The following CNTNAP4 variants were observed in gnomAD, a reference collection of about 807,000 sequenced individuals.
The protein encoded by CNTNAP4 is contactin-associated protein-like 4.
CNTNAP4 carries 98 observed loss-of-function variants against 148.4 expected under a neutral mutation model. The observed-to-expected ratio is 0.66, with a 90% CI of 0.56 to 0.78. The LOEUF (loss-of-function observed/expected upper bound fraction) is 0.78, where lower values mean the gene tolerates loss of function less well. Ranked by LOEUF, CNTNAP4 falls within the 30% of genes least tolerant of loss-of-function variation. The pLI is 0.00. For synonymous variants in CNTNAP4, 730 were observed against 565.1 expected, an observed-to-expected ratio of 1.29 and a Z score of -4.14; for missense variants, 1,935 against 1,565.6, an observed-to-expected ratio of 1.24 and a Z score of -3.98.
At chr16:76,452,340 G>C (rs1316621467) in intron 7 of CNTNAP4, among the ~76,000 whole-genome samples, 168 bp from the exon 8 acceptor site, 1 of 152,170 alleles carries the variant, frequency 6.6e-6, no homozygotes, top group Non-Finnish European at 1.5e-5. Context: ...GCAGAGCAAA[G>C]GGTTGAAGAA....
In CNTNAP4 at chr16:76,277,775, T is replaced by C. The variant is rs768932022; in HGVS notation, c.85+28T>C. 10 of 1,384,020 alleles carry C rather than the reference T, an allele frequency of 7.2e-6. No homozygotes were observed. The South Asian group carries it at 9.8e-5, about 14-fold the overall frequency. 85.7% of individuals were successfully genotyped at this position (1,384,020 alleles called of 1,614,324 possible). Reference sequence around the variant, plus strand: ...AAGTATACAGCAAATGATTTAAAACTTGCTGGGGGGCTCTCTGCAAAACTT... The same window carrying C: ...AAGTATACAGCAAATGATTTAAAACCTGCTGGGGGGCTCTCTGCAAAACTT... On this transcript the variant is annotated intron_variant, in intron 1 of 23. Coordinates refer to ENST00000611870, the MANE Select transcript of CNTNAP4 (RefSeq NM_033401.5).
intron 3 of CNTNAP4, among the ~76,000 whole-genome samples, chr16:76,399,135 T>C (rs1043748283): frequency 2.0e-5 from 3 of 152,188 alleles, no homozygotes; most frequent in Admixed American, 2.0e-4. Flanking sequence ...TCCCCAGCCA[T>C]GTGGAACTGT....
intron 8 of CNTNAP4, among the ~76,000 whole-genome samples, chr16:76,460,793 T>TATATATATATATATATATATATATAC (rs1292198875): frequency 1.8e-4 from 20 of 110,474 alleles, no homozygotes; most frequent in African/African-American, 7.1e-4. Flanking sequence ...TATATATATA[T>TATATATATATATATATATATATATAC]ATTTAGAATT....
chr16:76,358,872 A>T (rs1222452674), intron 3 of CNTNAP4, among the ~76,000 whole-genome samples: 2 of 151,976 alleles, frequency 1.3e-5, no homozygotes, highest in Non-Finnish European at 2.9e-5. Flanking sequence ...GTATGTGTAT[A>T]TGTATGTGTG....
intron 3 of CNTNAP4, among the ~76,000 whole-genome samples, chr16:76,388,977 A>C (rs2016734911): frequency 6.6e-6 from 1 of 152,234 alleles, no homozygotes; most frequent in Non-Finnish European, 1.5e-5. Context: ...TCTTTAAAAA[A>C]GGAGAAAAAC....
At chr16:76,491,146 C>T (rs926262321) in intron 13 of CNTNAP4, among the ~76,000 whole-genome samples, 3 of 152,108 alleles carry the variant, frequency 2.0e-5, no homozygotes, top group Admixed American at 6.6e-5. Flanking sequence ...TCTCCTCTTT[C>T]TCCTCCTCGT....
intron 17 of CNTNAP4, among the ~76,000 whole-genome samples, chr16:76,525,569 C>A (rs2083685268): frequency 1.4e-5 from 2 of 145,170 alleles, no homozygotes; most frequent in Admixed American, 1.4e-4. Flanking sequence ...TAAAAAAGAA[C>A]TATTTGTATA....
intron 17 of CNTNAP4, among the ~76,000 whole-genome samples, chr16:76,533,379 A>G (rs1043237367): frequency 2.0e-5 from 3 of 152,150 alleles, no homozygotes; most frequent in African/African-American, 4.8e-5. Flanking sequence ...AGGATATACT[A>G]TTACAGCTAG....
At chr16:76,335,810 C>G (rs923807040) in intron 2 of CNTNAP4, among the ~76,000 whole-genome samples, 1 of 152,154 alleles carries the variant, frequency 6.6e-6, no homozygotes, top group Non-Finnish European at 1.5e-5. Context: ...CCGAGAAGCA[C>G]AGGAGGTAGA....
At chr16:76,362,499 C>G (rs951875955) in intron 3 of CNTNAP4, among the ~76,000 whole-genome samples, 1 of 152,112 alleles carries the variant, frequency 6.6e-6, no homozygotes, top group Non-Finnish European at 1.5e-5. Flanking sequence ...CTAGAGACAT[C>G]ACACATCTGA....
At chr16:76,405,405 G>A (rs2078568348) in intron 3 of CNTNAP4, among the ~76,000 whole-genome samples, 1 of 152,054 alleles carries the variant, frequency 6.6e-6, no homozygotes, top group African/African-American at 2.4e-5. Flanking sequence ...CAGGGAGGAG[G>A]GGAAACCCAT....
rs772537877 is a variant in CNTNAP4 at position 76,560,403 on chromosome 16, A to G, written c.*1720A>G. Among the ~76,000 whole-genome samples, 1 of 152,214 alleles carries G rather than the reference A, an allele frequency of 6.6e-6. No individual in the cohort carries two copies. Among genetic ancestry groups the G allele is most frequent in the African/African-American group, 2.4e-5 (1 of 41,460 alleles). Reference sequence around the variant, plus strand: ...TAACATAGTAGTTTACGAAGGACTAAGGACCTATGTTGGTAGATGGTATAC... The same window carrying G: ...TAACATAGTAGTTTACGAAGGACTAGGGACCTATGTTGGTAGATGGTATAC... On this transcript the variant is annotated 3_prime_UTR_variant, in exon 24 of 24. Coordinates refer to ENST00000611870, the MANE Select transcript of CNTNAP4 (RefSeq NM_033401.5).
intron 3 of CNTNAP4, among the ~76,000 whole-genome samples, chr16:76,394,359 A>G (rs2144787422): frequency 6.6e-6 from 1 of 152,330 alleles, no homozygotes; most frequent in East Asian, 1.9e-4. Flanking sequence ...TACACACTTC[A>G]TAGTGTGAAA....
At position 76,355,302 on chromosome 16, in the gene CNTNAP4, C is replaced by G. The variant is rs146643417; in HGVS notation, c.197-16C>G. Reference sequence around the variant, plus strand: ...TTCCTTTCTCAATTTTCTCCTGTTTCTATTTTTAATAAAAGGAGCTGGTGG... The same window carrying G: ...TTCCTTTCTCAATTTTCTCCTGTTTGTATTTTTAATAAAAGGAGCTGGTGG... On this transcript the variant is annotated splice_polypyrimidine_tract_variant and intron_variant, in intron 2 of 23. Transcript: ENST00000611870. 442 of 1,491,198 alleles carry G rather than the reference C, an allele frequency of 3.0e-4. No individual in the cohort carries two copies. The African/African-American group carries it at 5.3e-3, about 18-fold the overall frequency. The allele number at this position is 1,491,198 out of a possible 1,614,324, so 92.4% of individuals were successfully genotyped here.
chr16:76,301,176 A>C (rs1307960981), intron 1 of CNTNAP4, among the ~76,000 whole-genome samples: 5 of 152,086 alleles, frequency 3.3e-5, no homozygotes, highest in Admixed American at 2.0e-4. Flanking sequence ...TTTGAATGAG[A>C]CTGTTGATCT....
At position 76,485,119 on chromosome 16, in the gene CNTNAP4, CT is replaced by C. The variant is rs542963742; in HGVS notation, c.1883-4560del. Among the ~76,000 whole-genome samples the C allele has an allele frequency of 6.3e-4, 96 of 152,106 alleles. 1 individual carries two copies. Among genetic ancestry groups the C allele is most frequent in the Non-Finnish European group, 8.8e-4 (60 of 67,936 alleles). ...TCCGTATTGCTTTTTCTTTTCTTTT[CT>C]TTTTTTCTTTTTTTGAGACAAAGTT... On this transcript the variant is annotated intron_variant, in intron 12 of 23. Coordinates refer to ENST00000611870, the MANE Select transcript of CNTNAP4 (RefSeq NM_033401.5).
intron 3 of CNTNAP4, among the ~76,000 whole-genome samples, chr16:76,395,784 G>A (rs1168681205): frequency 2.7e-5 from 4 of 150,412 alleles, no homozygotes; most frequent in Non-Finnish European, 5.9e-5. Context: ...GCTGGAGTGC[G>A]GTGGAGTGAT....
chr16:76,328,946 T>C (rs1330084694), intron 2 of CNTNAP4, among the ~76,000 whole-genome samples: 1 of 152,214 alleles, frequency 6.6e-6, no homozygotes, highest in Non-Finnish European at 1.5e-5. Flanking sequence ...ACCTGTAAGG[T>C]ATTAATAGGA....
rs1263804076 is a variant in CNTNAP4, at chr16:76,409,244, G to C, written c.391-18208G>C. The stretch of plus-strand genomic sequence containing the variant: ...TTTTTTAATCTTTAGGGAGCAGCAA[G>C]GCGTTTTATCTGGTTCCTTACAGAA... On this transcript the variant is annotated intron_variant, in intron 3 of 23. Transcript: ENST00000611870. 5.3e-5 allele frequency among the ~76,000 whole-genome samples: 8 copies of C among 151,768 alleles called. No individual in the cohort carries two copies. The Admixed American group carries it at 5.3e-4, about 10-fold the overall frequency.
Sources: allele counts gnomAD v4.1 joint callset (sites outside exome capture counted in the v4.1 genomes callset), GRCh38; gene constraint gnomAD v4.1.1; transcripts MANE v1.5; gene names NCBI Gene and HGNC (gene_info 2026-07-23, HGNC 2026-07-21).